The following ZNF503 variants were observed in gnomAD, a reference collection of about 807,000 sequenced individuals.
ZNF503 encodes NocA-like zinc finger 2.
ZNF503 carries 15 observed loss-of-function variants against 34.4 expected under a neutral mutation model. That is an observed-to-expected ratio of 0.44 (90% CI 0.29 to 0.67). The LOEUF is 0.67. ZNF503 is among the 30% of genes least tolerant of loss of function. The pLI, the probability that ZNF503 is intolerant of heterozygous loss-of-function variation, is 0.13. For missense variants in ZNF503, 1,007 were observed against 926.8 expected (o/e 1.09, Z -1.12); for synonymous variants, 580 against 456.8 (o/e 1.27, Z -3.44).
At chr10:75,299,983 G>T in the ZNF503 span, among the ~76,000 whole-genome samples, 1 of 152,180 alleles carries the variant, frequency 6.6e-6, no homozygotes. Flanking sequence ...AAGAGACAGG[G>T]TTTGAGAGCA....
At chr10:75,281,880 G>C in the ZNF503 span, among the ~76,000 whole-genome samples, 1 of 152,226 alleles carries the variant, frequency 6.6e-6, no homozygotes, top group African/African-American at 2.4e-5. Flanking sequence ...AATAGTGGTA[G>C]CTTAGAAGGG....
At chr10:75,284,215 G>A in the ZNF503 span, among the ~76,000 whole-genome samples, 2 of 151,996 alleles carry the variant, frequency 1.3e-5, no homozygotes, top group Non-Finnish European at 2.9e-5. Context: ...TTGAAAGACC[G>A]CCCAACCCCA....
At chr10:75,342,744 C>T in the ZNF503 span, among the ~76,000 whole-genome samples, 1 of 152,222 alleles carries the variant, frequency 6.6e-6, no homozygotes, top group Admixed American at 6.5e-5. Context: ...CAATGTTCTG[C>T]TGGCACTGGG....
the ZNF503 span, among the ~76,000 whole-genome samples, chr10:75,359,419 T>C: frequency 2.0e-5 from 3 of 152,234 alleles, no homozygotes; most frequent in Admixed American, 6.5e-5. Context: ...AAGCATTTCA[T>C]GCCTTAGGAA....
chr10:75,356,987 C>T, the ZNF503 span, among the ~76,000 whole-genome samples: 3 of 152,040 alleles, frequency 2.0e-5, no homozygotes, highest in Non-Finnish European at 4.4e-5. Context: ...GTTCATCCCA[C>T]AAGAAAAAAC....
At chr10:75,287,805 G>T in the ZNF503 span, among the ~76,000 whole-genome samples, 1 of 152,168 alleles carries the variant, frequency 6.6e-6, no homozygotes, top group Non-Finnish European at 1.5e-5. Context: ...CCATGCCCCT[G>T]GAGGATGAAG....
At chr10:75,372,413 G>T in the ZNF503 span, among the ~76,000 whole-genome samples, 1 of 152,158 alleles carries the variant, frequency 6.6e-6, no homozygotes, top group African/African-American at 2.4e-5. Flanking sequence ...TTGTGATTGG[G>T]CTCGTCTACT....
the ZNF503 span, among the ~76,000 whole-genome samples, chr10:75,356,626 A>G: frequency 1.3e-5 from 2 of 152,226 alleles, no homozygotes; most frequent in African/African-American, 4.8e-5. Context: ...TCATTCATTC[A>G]GTCAGCACAA....
downstream of ZNF503, among the ~76,000 whole-genome samples, chr10:75,393,355 T>C (rs1483848087): frequency 6.6e-6 from 1 of 152,202 alleles, no homozygotes; most frequent in African/African-American, 2.4e-5. Context: ...AGCCCTGGAT[T>C]GGGAGCCAAC....
chr10:75,301,500 C>A, the ZNF503 span, among the ~76,000 whole-genome samples: 9 of 152,336 alleles, frequency 5.9e-5, no homozygotes, highest in Admixed American at 5.9e-4. Flanking sequence ...CTTGGCCTCC[C>A]AAAGTGCTGG....
chr10:75,384,076 GA>G, the ZNF503 span, among the ~76,000 whole-genome samples: 1 of 152,162 alleles, frequency 6.6e-6, no homozygotes, highest in African/African-American at 2.4e-5. Flanking sequence ...GCTCCTGTGG[GA>G]ACTGGAAGGC....
chr10:75,367,146 C>A, the ZNF503 span, among the ~76,000 whole-genome samples: 1 of 152,156 alleles, frequency 6.6e-6, no homozygotes, highest in African/African-American at 2.4e-5. Context: ...ACAAACAGCC[C>A]AGAAAGAATC....
the ZNF503 span, among the ~76,000 whole-genome samples, chr10:75,330,657 C>T: frequency 6.6e-6 from 1 of 152,022 alleles, no homozygotes; most frequent in Admixed American, 6.6e-5. Flanking sequence ...GTAATAGTCT[C>T]TAATGATCCT....
chr10:75,350,277 G>C, the ZNF503 span: 1 of 152,136 alleles, frequency 6.6e-6, no homozygotes, highest in African/African-American at 2.4e-5. Flanking sequence ...ATTAAACATT[G>C]CAGATAAGTA....
the ZNF503 span, among the ~76,000 whole-genome samples, chr10:75,305,707 C>T: frequency 6.6e-6 from 1 of 152,124 alleles, no homozygotes; most frequent in South Asian, 2.1e-4. Flanking sequence ...CCTTTCTCCT[C>T]TCTGTCTCTA....
At chr10:75,313,426 G>A in the ZNF503 span, among the ~76,000 whole-genome samples, 1 of 152,244 alleles carries the variant, frequency 6.6e-6, no homozygotes, top group Non-Finnish European at 1.5e-5. Flanking sequence ...GATTTTGTCA[G>A]TAGGGAAAAG....
the ZNF503 span, among the ~76,000 whole-genome samples, chr10:75,381,569 C>G: frequency 6.6e-6 from 1 of 152,022 alleles, no homozygotes; most frequent in Admixed American, 6.6e-5. Context: ...TCTTCTTATT[C>G]CTGTTGGCTG....
At chr10:75,327,419 T>G in the ZNF503 span, among the ~76,000 whole-genome samples, 2 of 152,116 alleles carry the variant, frequency 1.3e-5, no homozygotes, top group African/African-American at 2.4e-5. Context: ...CGTGTTGCCA[T>G]GAAAAACAGG....
the ZNF503 span, among the ~76,000 whole-genome samples, chr10:75,326,955 A>G: frequency 1.3e-5 from 2 of 152,196 alleles, no homozygotes; most frequent in African/African-American, 2.4e-5. Context: ...AAGTGCTGGG[A>G]TTACAGGCAT....
Sources: allele counts gnomAD v4.1 joint callset (sites outside exome capture counted in the v4.1 genomes callset), GRCh38; gene constraint gnomAD v4.1.1; transcripts MANE v1.5; gene names NCBI Gene and HGNC (gene_info 2026-07-23, HGNC 2026-07-21).